The following LRP1B variants were observed in gnomAD, a reference collection of about 807,000 sequenced individuals.
LRP1B encodes the protein low-density lipoprotein receptor-related protein 1B.
Under a neutral mutation model 556.6 loss-of-function variants are expected in LRP1B, and 217 were observed. The observed-to-expected ratio is 0.39, with a 90% CI of 0.35 to 0.44. The LOEUF (loss-of-function observed/expected upper bound fraction) is 0.44. Among genes scored for constraint, LRP1B ranks in the 20% least tolerant of loss-of-function variants. LRP1B has a pLI of 1.00. For synonymous variants in LRP1B, 2,047 were observed against 1,865.8 expected (o/e 1.10, Z -2.50); for missense variants, 5,053 against 5,620.8 (o/e 0.90, Z 3.23).
At chr2:141,480,191 GTGT>G (rs1682867957) in intron 3 of LRP1B, among the ~76,000 whole-genome samples, 1 of 137,108 alleles carries the variant, frequency 7.3e-6, no homozygotes, top group African/African-American at 2.7e-5. Context: ...GTGTGTGTGT[GTGT>G]TGTCTAATGG....
intron 6 of LRP1B, among the ~76,000 whole-genome samples, chr2:141,223,642 C>T (rs1319606709): frequency 2.0e-5 from 3 of 152,156 alleles, no homozygotes; most frequent in African/African-American, 7.2e-5. Context: ...TACTACAAGG[C>T]TACAGTAACC....
intron 25 of LRP1B, among the ~76,000 whole-genome samples, chr2:140,872,360 A>ATTTTTTTTTTTTTTTTTTTTTTTTTTT (rs59469282): frequency 5.0e-5 from 3 of 60,496 alleles, no homozygotes; most frequent in African/African-American, 6.8e-5. Flanking sequence ...GTGTCACCTG[A>ATTTTTTTTTTTTTTTTTTTTTTTTTTT]TTTTTTTTTT....
chr2:141,426,117 C>A (rs1175459951), intron 3 of LRP1B, among the ~76,000 whole-genome samples: 1 of 151,994 alleles, frequency 6.6e-6, no homozygotes, highest in African/African-American at 2.4e-5. Flanking sequence ...AGGAAGGGAT[C>A]CAGTTTCAGC....
rs1314940696 is a variant in LRP1B at position 140,510,014 on chromosome 2, G to C, written c.8312C>G (p.Ser2771Cys). The change falls in exon 52 of 91, where the codon TCT becomes TGT. Residue 2771 changes from serine (S) to cysteine (C), a missense_variant. By Grantham distance (112) the Ser-to-Cys change is moderately radical. Transcript: ENST00000389484. ...CCAATGTCGGGGCACGCAGGCACGA[G>C]AGCCCTGGCAGCTGAACATGTCAGC... ...CAADMFSCQG[S>C]RACVPRHWLC... The C allele has an allele frequency of 6.2e-7, 1 of 1,613,972 alleles. No homozygotes were observed.
chr2:141,035,942 C>A (rs555019730), intron 11 of LRP1B, among the ~76,000 whole-genome samples: 9 of 152,160 alleles, frequency 5.9e-5, no homozygotes, highest in African/African-American at 1.9e-4. Flanking sequence ...GTTTTAAAAA[C>A]TATTTCCATC....
intron 84 of LRP1B, among the ~76,000 whole-genome samples, chr2:140,281,245 ATATT>A (rs920846600): frequency 2.0e-5 from 3 of 151,978 alleles, no homozygotes; most frequent in Non-Finnish European, 2.9e-5. Flanking sequence ...AGGTTTACAA[ATATT>A]TATGGAAAGC....
intron 25 of LRP1B, among the ~76,000 whole-genome samples, chr2:140,869,408 G>T (rs1693055436): frequency 1.3e-5 from 2 of 151,720 alleles, no homozygotes; most frequent in Admixed American, 1.3e-4. Context: ...CAAATTAGGG[G>T]AATAAAAAAC....
At chr2:140,915,125 G>C (rs538708884) in intron 21 of LRP1B, among the ~76,000 whole-genome samples, 1 of 152,228 alleles carries the variant, frequency 6.6e-6, no homozygotes, top group East Asian at 1.9e-4. Context: ...AGATTGCAAG[G>C]GGTGGAGGAA....
At chr2:140,644,892 T>C (rs535644940) in intron 41 of LRP1B, among the ~76,000 whole-genome samples, 7 of 152,270 alleles carry the variant, frequency 4.6e-5, no homozygotes, top group African/African-American at 1.4e-4. Flanking sequence ...AATCTAAATA[T>C]ATATTATTTT....
At chr2:141,862,758 C>A (rs1698288898) in intron 1 of LRP1B, among the ~76,000 whole-genome samples, 3 of 152,112 alleles carry the variant, frequency 2.0e-5, no homozygotes. Flanking sequence ...TATATCATAG[C>A]CATACAGATA....
At chr2:141,805,283 T>C (rs915920932) in intron 2 of LRP1B, 1 of 152,132 alleles carries the variant, frequency 6.6e-6, no homozygotes, top group Non-Finnish European at 1.5e-5. Context: ...TAAGGAAAGA[T>C]AGAAGAAGCC....
intron 3 of LRP1B, among the ~76,000 whole-genome samples, chr2:141,292,387 T>C (rs2105412041): frequency 6.6e-6 from 1 of 152,054 alleles, no homozygotes; most frequent in Non-Finnish European, 1.5e-5. Context: ...CATAGTTCAG[T>C]ATAAAAAGAA....
intron 2 of LRP1B, among the ~76,000 whole-genome samples, chr2:141,621,512 G>A (rs528180333): frequency 1.3e-5 from 2 of 152,132 alleles, no homozygotes; most frequent in Non-Finnish European, 1.5e-5. Context: ...ATGAAATTAC[G>A]ATATATTCCC....
chr2:141,997,679 C>A (rs146209703), intron 1 of LRP1B, among the ~76,000 whole-genome samples: 1 of 144,256 alleles, frequency 6.9e-6, no homozygotes, highest in African/African-American at 2.5e-5. Flanking sequence ...AGCCTTTATG[C>A]TTTTTTTTTC....
intron 18 of LRP1B, among the ~76,000 whole-genome samples, chr2:140,979,139 C>T (rs574761530): frequency 1.8e-4 from 28 of 152,098 alleles, no homozygotes; most frequent in Non-Finnish European, 3.1e-4. Context: ...GCCATCACAC[C>T]GGCTTATTTT....
chr2:141,193,094 A>C (rs1160012175), intron 6 of LRP1B, among the ~76,000 whole-genome samples: 1 of 152,002 alleles, frequency 6.6e-6, no homozygotes, highest in Admixed American at 6.6e-5. Flanking sequence ...AGATGCTGGC[A>C]AGGTTGCAGA....
chr2:141,597,294 T>A (rs1687559617), intron 2 of LRP1B, among the ~76,000 whole-genome samples: 2 of 152,148 alleles, frequency 1.3e-5, no homozygotes, highest in Middle Eastern at 3.4e-3. Context: ...CATCCTAGTC[T>A]AGCTCAATCT....
intron 3 of LRP1B, among the ~76,000 whole-genome samples, chr2:141,412,190 C>A (rs1690877877): frequency 6.6e-6 from 1 of 152,144 alleles, no homozygotes; most frequent in South Asian, 2.1e-4. Flanking sequence ...TCTTATCCAG[C>A]CCAAGATTAT....
At chr2:141,426,313 A>T (rs7423217) in intron 3 of LRP1B, among the ~76,000 whole-genome samples, 1 of 151,546 alleles carries the variant, frequency 6.6e-6, no homozygotes, top group Non-Finnish European at 1.5e-5. Context: ...ATGCTGTTTT[A>T]TTTACTGTAG....
Sources: allele counts gnomAD v4.1 joint callset (sites outside exome capture counted in the v4.1 genomes callset), GRCh38; gene constraint gnomAD v4.1.1; transcripts MANE v1.5; gene names NCBI Gene and HGNC (gene_info 2026-07-23, HGNC 2026-07-21).